The following MON2 variants were observed in gnomAD, a reference collection of about 807,000 sequenced individuals.
The protein encoded by MON2 is MON2 regulator of endosome-to-Golgi trafficking.
MON2 carries 84 observed loss-of-function variants against 208.6 expected under a neutral mutation model. The observed-to-expected ratio is 0.40, with a 90% CI of 0.34 to 0.48. The LOEUF is 0.48. MON2 is among the 20% of genes least tolerant of loss of function. The pLI, the probability that MON2 is intolerant of heterozygous loss-of-function variation, is 0.59. For missense variants in MON2, 1,611 were observed against 2,015.4 expected (o/e 0.80, Z 3.84); for synonymous variants, 660 against 694.0 (o/e 0.95, Z 0.77).
chr12:62,588,818 C>G, intron 34 of MON2: 1 of 1,287,210 alleles, frequency 7.8e-7, no homozygotes, highest in Non-Finnish European at 1.1e-6. Context: ...CTCAATCTTC[C>G]CAAATTTTTT....
chr12:62,528,148 G>A (rs2072435525), intron 11 of MON2, among the ~76,000 whole-genome samples: 1 of 152,026 alleles, frequency 6.6e-6, no homozygotes, highest in South Asian at 2.1e-4. Context: ...AAAATATTGG[G>A]TGTTCTTTTG....
At chr12:62,521,668 G>A (rs1044253143) in intron 8 of MON2, among the ~76,000 whole-genome samples, 2 of 152,090 alleles carry the variant, frequency 1.3e-5, no homozygotes, top group East Asian at 1.9e-4. Flanking sequence ...CATCTAGAGT[G>A]ACTAGAGGAA....
chr12:62,592,535 T>G, intron 34 of MON2, 51 bp from the exon 35 acceptor site: 7 of 1,437,480 alleles, frequency 4.9e-6, no homozygotes, highest in Non-Finnish European at 6.6e-6. Flanking sequence ...GTTAATTGAA[T>G]AATCTCTATT....
chr12:62,571,658 T>A, intron 30 of MON2, 76 bp downstream of exon 30: 1 of 1,202,124 alleles, frequency 8.3e-7, no homozygotes, highest in Non-Finnish European at 1.2e-6. Flanking sequence ...ACAGTTGTCT[T>A]TATTCATTAA....
chr12:62,483,390 A>G (rs892628520), intron 1 of MON2, among the ~76,000 whole-genome samples: 2 of 152,200 alleles, frequency 1.3e-5, no homozygotes, highest in African/African-American at 4.8e-5. Flanking sequence ...CAAAAAAGAA[A>G]ACAAAGTAGC....
chr12:62,511,330 A>T (rs1268186489), intron 8 of MON2, among the ~76,000 whole-genome samples: 1 of 152,220 alleles, frequency 6.6e-6, no homozygotes, highest in Non-Finnish European at 1.5e-5. Flanking sequence ...ACGAAGTTGG[A>T]AGTCTCACAC....
At chr12:62,559,244 C>G (rs1368570664) in intron 25 of MON2, among the ~76,000 whole-genome samples, 1 of 152,162 alleles carries the variant, frequency 6.6e-6, no homozygotes, top group East Asian at 1.9e-4. Flanking sequence ...GTTTCATAGC[C>G]TACTTATGTT....
intron 29 of MON2, among the ~76,000 whole-genome samples, chr12:62,567,844 A>T (rs149758346): frequency 0.01 from 1,596 of 152,364 alleles, 104 homozygotes; most frequent in Admixed American, 0.095. Context: ...GCATTCAGAT[A>T]GCCTGACTTC....
At chr12:62,509,515 A>T (rs61921913) in intron 8 of MON2, among the ~76,000 whole-genome samples, 19,380 of 152,238 alleles carry the variant, frequency 0.13, 1,356 homozygotes, top group East Asian at 0.27. Flanking sequence ...AAGGAAACAA[A>T]GGACTCGAAC....
At chr12:62,517,557 C>T (rs965352484) in intron 8 of MON2, among the ~76,000 whole-genome samples, 4 of 152,072 alleles carry the variant, frequency 2.6e-5, no homozygotes, top group Non-Finnish European at 4.4e-5. Flanking sequence ...GATTAGTTCC[C>T]TCATAGAAAG....
Position 62,595,763 on chromosome 12 carries a change from G to A in MON2, c.*3014G>A, listed in dbSNP as rs921511604. On this transcript the variant is annotated 3_prime_UTR_variant, in exon 35 of 35. Coordinates refer to ENST00000393630, the MANE Select transcript of MON2 (RefSeq NM_015026.3). ...GTAACATTTATTAGGAGCCTTTTAG[G>A]TTCCAAAACAAACAAAAGGCATAAA... is the stretch of plus-strand genomic sequence containing the variant. 2 of 152,002 alleles carry A rather than the reference G, an allele frequency of 1.3e-5. No individual in the cohort carries two copies. Among genetic ancestry groups the A allele is most frequent in the African/African-American group, 4.8e-5 (2 of 41,374 alleles). 9.4% of individuals were successfully genotyped at this position (152,002 alleles called of 1,614,324 possible).
intron 27 of MON2, 54 bp downstream of exon 27, chr12:62,565,434 A>G (rs1300714273): frequency 1.4e-6 from 2 of 1,438,118 alleles, no homozygotes; most frequent in African/African-American, 1.4e-5. Flanking sequence ...TTATAAATAC[A>G]GATAGTTCCA....
At chr12:62,470,523 C>G (rs947262607) in intron 1 of MON2, among the ~76,000 whole-genome samples, 3 of 152,068 alleles carry the variant, frequency 2.0e-5, no homozygotes, top group Non-Finnish European at 4.4e-5. Context: ...TACAACTGTA[C>G]TAGCTAATTT....
intron 1 of MON2, among the ~76,000 whole-genome samples, chr12:62,479,550 T>C (rs528690961): frequency 5.3e-5 from 8 of 149,652 alleles, no homozygotes; most frequent in African/African-American, 2.0e-4. Context: ...GAGTGAGAAA[T>C]GAGGTCAAGG....
chr12:62,539,307 G>A (rs908900051), intron 19 of MON2, among the ~76,000 whole-genome samples: 3 of 149,124 alleles, frequency 2.0e-5, no homozygotes, highest in South Asian at 2.1e-4. Context: ...TCGCCTTGTC[G>A]CCCAGGCTAG....
chr12:62,514,549 C>A (rs753843808), intron 8 of MON2, among the ~76,000 whole-genome samples: 1 of 152,152 alleles, frequency 6.6e-6, no homozygotes, highest in Non-Finnish European at 1.5e-5. Context: ...ACCATCAGAT[C>A]TCATGAGATT....
intron 33 of MON2, 77 bp downstream of exon 33, chr12:62,585,578 A>C (rs2075195596): frequency 8.2e-7 from 1 of 1,219,688 alleles, no homozygotes; most frequent in African/African-American, 1.5e-5. Flanking sequence ...TCTGAAAAGC[A>C]AGTGTTTTTG....
At position 62,588,943 on chromosome 12, in the gene MON2, G is replaced by A. The variant is rs1033963784; in HGVS notation, c.4990+787G>A. 4.4e-6 allele frequency: 6 copies of A among 1,360,244 alleles called. No homozygotes were observed. In the Admixed American group the frequency reaches 1.0e-4, roughly 23 times the overall value. 84.3% of individuals were successfully genotyped at this position (1,360,244 alleles called of 1,614,324 possible). A position where few individuals can be genotyped will look rare whatever the true frequency, so the allele number is the denominator to read the frequency against. On this transcript the variant is annotated intron_variant, in intron 34 of 34. Transcript: ENST00000393630. ...TAAATAATTTTTCTTTTCATTGAAT[G>A]CAAAGCTTTTTTATGTGTACTTGTC...
intron 25 of MON2, among the ~76,000 whole-genome samples, chr12:62,556,594 C>T (rs1456022123): frequency 2.6e-5 from 4 of 151,836 alleles, no homozygotes; most frequent in East Asian, 1.9e-4. Flanking sequence ...AAGAGTAAGA[C>T]GAAGTGTGGA....
Sources: allele counts gnomAD v4.1 joint callset (sites outside exome capture counted in the v4.1 genomes callset), GRCh38; gene constraint gnomAD v4.1.1; transcripts MANE v1.5; gene names NCBI Gene and HGNC (gene_info 2026-07-23, HGNC 2026-07-21).